The following CA1 variants were observed in gnomAD, a reference collection of about 807,000 sequenced individuals.
CA1 encodes carbonate dehydratase I.
Under a neutral mutation model 28.8 loss-of-function variants are expected in CA1, and 27 were observed. That is an observed-to-expected ratio of 0.94 (90% CI 0.69 to 1.29). The LOEUF (loss-of-function observed/expected upper bound fraction) is 1.29, where lower values mean the gene tolerates loss of function less well. Ranked by LOEUF, CA1 falls within the 50% of genes most tolerant of loss-of-function variation. CA1 has a pLI of 0.00. For missense variants in CA1, 335 were observed against 310.5 expected (o/e 1.08, Z -0.59); for synonymous variants, 121 against 108.8 (o/e 1.11, Z -0.70).
intron 4 of CA1, among the ~76,000 whole-genome samples, chr8:85,334,793 TCAGCCTGAC>T (rs1252663157): frequency 6.6e-6 from 1 of 151,904 alleles, no homozygotes; most frequent in African/African-American, 2.4e-5. Flanking sequence ...GAGTTCGAGA[TCAGCCTGAC>T]CAACGTGGTA....
intron 1 of CA1, among the ~76,000 whole-genome samples, chr8:85,346,411 A>G (rs1036023302): frequency 4.6e-5 from 7 of 152,202 alleles, no homozygotes; most frequent in African/African-American, 1.7e-4. Flanking sequence ...AGATAATGAC[A>G]CTATTAAGTA....
chr8:85,371,435 A>G (rs1810224839), intron 1 of CA1, among the ~76,000 whole-genome samples: 4 of 126,290 alleles, frequency 3.2e-5, no homozygotes, highest in Admixed American at 3.2e-4. Flanking sequence ...CACACATACA[A>G]TTTTGAATAC....
chr8:85,359,489 G>T (rs1292897754), intron 1 of CA1, among the ~76,000 whole-genome samples: 1 of 152,134 alleles, frequency 6.6e-6, no homozygotes, highest in African/African-American at 2.4e-5. Flanking sequence ...AATTGCTAAC[G>T]AATGAAAAAT....
In CA1 at chr8:85,328,380, A is replaced by C. The variant is rs1808255865; in HGVS notation, c.*180T>G. On this transcript the variant is annotated 3_prime_UTR_variant, in exon 8 of 8. Transcript: ENST00000523022. Reference sequence around the variant, plus strand: ...ATTACTATTTGCTAGCTTACTAATTATTATTTGAATTAAGCAGTAAGAACT... The same window carrying C: ...ATTACTATTTGCTAGCTTACTAATTCTTATTTGAATTAAGCAGTAAGAACT... 4.3e-6 allele frequency: 2 copies of C among 464,456 alleles called. No homozygotes were observed. Among genetic ancestry groups the C allele is most frequent in the African/African-American group, 2.0e-5 (1 of 51,148 alleles). 28.8% of individuals were successfully genotyped at this position (464,456 alleles called of 1,614,324 possible).
At chr8:85,365,381 C>G (rs1809967096) in intron 1 of CA1, among the ~76,000 whole-genome samples, 1 of 152,168 alleles carries the variant, frequency 6.6e-6, no homozygotes, top group South Asian at 2.1e-4. Flanking sequence ...TGATTCTGAA[C>G]TTTGCCTGAC....
rs1213484789 is a variant in CA1 at position 85,341,618 on chromosome 8, C to T, written c.18G>A (p.Trp6Ter). The change falls in exon 2 of 8, where the codon TGG becomes TGA. Residue 6 changes from tryptophan (W) to a stop codon, truncating the protein, a stop_gained. Transcript: ENST00000523022. LOFTEE classifies it high-confidence loss of function. MASPD[W>*]GYDDKNGPEQ... Reference sequence around the variant, plus strand: ...TCTTACCATTTTTGTCATCATATCCCCAGTCTGGACTTGCCATTATCTTCT... The same window carrying T: ...TCTTACCATTTTTGTCATCATATCCTCAGTCTGGACTTGCCATTATCTTCT... 2 of 1,597,812 alleles carry T rather than the reference C, an allele frequency of 1.3e-6. No homozygotes were observed. Among genetic ancestry groups the T allele is most frequent in the African/African-American group, 2.7e-5 (2 of 74,544 alleles).
chr8:85,376,706 T>TAAATAAAA (rs1554703051), intron 1 of CA1, among the ~76,000 whole-genome samples: 6 of 138,088 alleles, frequency 4.3e-5, no homozygotes, highest in African/African-American at 1.4e-4. Context: ...AATAAATAAA[T>TAAATAAAA]AAAACTAGGT....
In CA1 at chr8:85,357,474, A is replaced by G. The variant is rs988017294; in HGVS notation, c.-24-15815T>C. 1.5e-4 allele frequency among the ~76,000 whole-genome samples: 23 copies of G among 152,340 alleles called. 1 individual carries two copies. The East Asian group carries it at 4.4e-3, about 29-fold the overall frequency. ...GATTGTGGCGAGGGTTAATGATAAT[A>G]TAGGCCAGGTGTCTAGTTACCTGGT... On this transcript the variant is annotated intron_variant, in intron 1 of 7. Coordinates refer to ENST00000523022, the MANE Select transcript of CA1 (RefSeq NM_001128831.4).
At chr8:85,364,974 T>C (rs1399384965) in intron 1 of CA1, among the ~76,000 whole-genome samples, 1 of 151,304 alleles carries the variant, frequency 6.6e-6, no homozygotes, top group Non-Finnish European at 1.5e-5. Context: ...GCCGCTTGGC[T>C]CTGGAGGCAG....
chr8:85,337,107 C>T (rs1406275735), intron 3 of CA1, 44 bp from the exon 4 acceptor site: 1 of 1,054,974 alleles, frequency 9.5e-7, no homozygotes, highest in African/African-American at 1.6e-5. Flanking sequence ...GCTCCACAAA[C>T]TCTAGCTTAT....
Position 85,328,547 on chromosome 8 carries a change from C to A in CA1, c.*13G>T, listed in dbSNP as rs1473311830. On this transcript the variant is annotated 3_prime_UTR_variant, in exon 8 of 8. Coordinates refer to ENST00000523022, the MANE Select transcript of CA1 (RefSeq NM_001128831.4). Reference sequence around the variant, plus strand: ...TGTGTTCTTGAGGAAGGACAAGTTTCTTCTCAGAATCATCAAAATGAAGCT... The same window carrying A: ...TGTGTTCTTGAGGAAGGACAAGTTTATTCTCAGAATCATCAAAATGAAGCT... 1.4e-6 allele frequency: 2 copies of A among 1,470,414 alleles called. No homozygotes were observed. Among genetic ancestry groups the A allele is most frequent in the African/African-American group, 1.4e-5 (1 of 71,932 alleles). The allele number at this position is 1,470,414 out of a possible 1,614,324, so 91.1% of individuals were successfully genotyped here.
intron 4 of CA1, among the ~76,000 whole-genome samples, chr8:85,336,395 G>T (rs995108021): frequency 2.0e-5 from 3 of 152,046 alleles, no homozygotes; most frequent in Non-Finnish European, 2.9e-5. Flanking sequence ...TTTTTCTTTG[G>T]ATATACAGAT....
intron 6 of CA1, among the ~76,000 whole-genome samples, chr8:85,331,257 T>G (rs548467194): frequency 6.6e-6 from 1 of 152,078 alleles, no homozygotes; most frequent in African/African-American, 2.4e-5. Flanking sequence ...ATAAAAAATT[T>G]TGTCTCTTAA....
chr8:85,364,191 C>T lies in CA1; in HGVS notation c.-25+13855G>A, dbSNP rs1050557967. Among the ~76,000 whole-genome samples, 5 of 152,068 alleles carry T rather than the reference C, an allele frequency of 3.3e-5. 1 individual carries two copies. The highest frequency in any genetic ancestry group is 9.7e-5 in the African/African-American group (4 of 41,420). On this transcript the variant is annotated intron_variant, in intron 1 of 7. Coordinates refer to ENST00000523022, the MANE Select transcript of CA1 (RefSeq NM_001128831.4). ...TTTCTCTCTTTACCTTCAGACTTTG[C>T]GATGTGCTGCTCTTTAATGTGAAAT...
At position 85,377,057 on chromosome 8, in the gene CA1, T is replaced by C. The variant is rs557992667; in HGVS notation, c.-25+989A>G. 6.8e-4 allele frequency among the ~76,000 whole-genome samples: 104 copies of C among 152,360 alleles called. 1 individual carries two copies. In the South Asian group the frequency reaches 8.5e-3, roughly 12 times the overall value. On this transcript the variant is annotated intron_variant, in intron 1 of 7. Coordinates refer to ENST00000523022, the MANE Select transcript of CA1 (RefSeq NM_001128831.4). Reference sequence around the variant, plus strand: ...AATATTAACACATTTGTATTAACTTTAGAAATTTAATTATTTAATCCTTGA... The same window carrying C: ...AATATTAACACATTTGTATTAACTTCAGAAATTTAATTATTTAATCCTTGA...
chr8:85,358,076 A>G (rs1482182395), intron 1 of CA1, among the ~76,000 whole-genome samples: 2 of 152,230 alleles, frequency 1.3e-5, no homozygotes, highest in African/African-American at 4.8e-5. Context: ...TTAAACAAGG[A>G]TCAACAGCAA....
chr8:85,338,258 G>A lies in CA1; in HGVS notation c.229C>T (p.Arg77Ter), dbSNP rs778825804. 9.9e-6 allele frequency: 16 copies of A among 1,612,548 alleles called. No homozygotes were observed. Among genetic ancestry groups the A allele is most frequent in the Admixed American group, 3.3e-5 (2 of 59,982 alleles). Residue 77 changes from arginine to a stop codon, truncating the protein, a stop_gained, in exon 3 of 8, where the codon CGA becomes TGA. Coordinates refer to ENST00000523022, the MANE Select transcript of CA1 (RefSeq NM_001128831.4). LOFTEE classifies it high-confidence loss of function. The stretch of plus-strand genomic sequence containing the variant: ...GAAGGGTCTTTCAGCTCACCTGATC[G>A]GTTATCGTTGTCCTCAAAATTTACA... ...FHVNFEDNDNRSVLKGGPFSD... is the reference protein window; with the variant it reads ...FHVNFEDNDN
intron 2 of CA1, among the ~76,000 whole-genome samples, chr8:85,339,142 A>G (rs1251736376): frequency 6.6e-6 from 1 of 152,042 alleles, no homozygotes; most frequent in Non-Finnish European, 1.5e-5. Flanking sequence ...TACAAGCTTA[A>G]CTCATTTTAT....
intron 1 of CA1, among the ~76,000 whole-genome samples, chr8:85,354,749 A>G (rs1809542426): frequency 6.6e-6 from 1 of 152,190 alleles, no homozygotes; most frequent in Non-Finnish European, 1.5e-5. Flanking sequence ...TGTGTTTGAT[A>G]TAAAGAGAGA....
Sources: gnomAD v4.1 joint callset for allele counts (sites outside exome capture counted in the v4.1 genomes callset) on GRCh38, gnomAD v4.1.1 for gene constraint, MANE v1.5 for transcripts, NCBI Gene and HGNC (gene_info 2026-07-23, HGNC 2026-07-21) for gene names.